The following POM121C variants were observed in gnomAD, a reference collection of about 807,000 sequenced individuals.
The protein encoded by POM121C is POM121 transmembrane nucleoporin C.
Under a neutral mutation model 66.4 loss-of-function variants are expected in POM121C, and 20 were observed. That is an observed-to-expected ratio of 0.30 (90% CI 0.21 to 0.44). The LOEUF is 0.44. POM121C is among the 20% of genes least tolerant of loss of function. The pLI is 1.00. For synonymous variants in POM121C, 286 were observed against 528.0 expected (o/e 0.54, Z 6.28); for missense variants, 580 against 1,225.7 (o/e 0.47, Z 7.87).
chr7:75,423,906 G>T, intron 12 of POM121C, 143 bp downstream of exon 12: 2 of 1,486,956 alleles, frequency 1.3e-6, no homozygotes, highest in South Asian at 2.5e-5. Flanking sequence ...GCTGTTAAAC[G>T]TAGGCCCGCT....
chr7:75,462,355 G>A (rs1385879050), intron 3 of POM121C, among the ~76,000 whole-genome samples: 8 of 152,002 alleles, frequency 5.3e-5, no homozygotes, highest in Admixed American at 1.3e-4. Context: ...GGAACTGTGA[G>A]TCAATTAAAC....
In POM121C at chr7:75,441,094, T is replaced by C. The variant is rs1378316622; in HGVS notation, c.87A>G (p.Ser29=). 12 of 1,613,884 alleles carry C rather than the reference T, an allele frequency of 7.4e-6. No individual in the cohort carries two copies. Among genetic ancestry groups the C allele is most frequent in the Non-Finnish European group, 9.3e-6 (11 of 1,179,886 alleles). Reference sequence around the variant, plus strand: ...CATTACTTGATGGTGACGACAGTGTTGAGCTGATTATCTGCTCTGGTCTAT... The same window carrying C: ...CATTACTTGATGGTGACGACAGTGTCGAGCTGATTATCTGCTCTGGTCTAT... ...RSAIPEQIIS[S]TLSSPSSNAP... Residue 29 remains serine (S), a synonymous_variant, in exon 5 of 15, where the codon TCA becomes TCG. Transcript: ENST00000615331.
intron 3 of POM121C, among the ~76,000 whole-genome samples, chr7:75,460,333 A>G (rs1554476842): frequency 6.6e-6 from 1 of 151,318 alleles, no homozygotes; most frequent in Non-Finnish European, 1.5e-5. Context: ...TCTCCACAAA[A>G]AGAATAAGAA....
intron 3 of POM121C, among the ~76,000 whole-genome samples, chr7:75,452,601 A>G (rs1554475696): frequency 1.3e-5 from 2 of 152,164 alleles, no homozygotes; most frequent in African/African-American, 4.8e-5. Context: ...TCTTTGTTCG[A>G]GATCCAGGTT....
chr7:75,459,708 G>C (rs1791384722), intron 3 of POM121C, among the ~76,000 whole-genome samples: 2 of 140,910 alleles, frequency 1.4e-5, no homozygotes, highest in African/African-American at 5.2e-5. Flanking sequence ...TAAAAAAGCA[G>C]TAAGAGGGTA....
At chr7:75,476,000 C>T (rs1158682772) in intron 1 of POM121C, among the ~76,000 whole-genome samples, 2 of 151,992 alleles carry the variant, frequency 1.3e-5, no homozygotes, top group African/African-American at 4.8e-5. Flanking sequence ...GAGGTTGGGG[C>T]TGGGCATGGT....
intron 3 of POM121C, among the ~76,000 whole-genome samples, chr7:75,468,126 TAAAAAAAAAAAAAAA>T (rs368723160): frequency 0.33 from 21,830 of 65,968 alleles, 2,547 homozygotes; most frequent in Middle Eastern, 0.46. Context: ...AGACTCTGTC[TAAAAAAAAAAAAAAA>T]AAAAAAAAAA....
intron 3 of POM121C, among the ~76,000 whole-genome samples, chr7:75,472,143 C>A (rs1208093355): frequency 6.6e-6 from 1 of 151,844 alleles, no homozygotes; most frequent in Non-Finnish European, 1.5e-5. Flanking sequence ...ACCTCGGCCT[C>A]CCAAAGTGCT....
intron 3 of POM121C, among the ~76,000 whole-genome samples, chr7:75,472,030 C>T (rs1410435192): frequency 4.6e-5 from 7 of 151,880 alleles, no homozygotes; most frequent in South Asian, 2.1e-4. Context: ...GGACTGCAGG[C>T]GCCCACCACC....
In POM121C at chr7:75,475,096, C is replaced by T; in HGVS notation, c.-365G>A. 3 of 1,507,250 alleles carry T rather than the reference C, an allele frequency of 2.0e-6. No individual in the cohort carries two copies. The highest frequency in any genetic ancestry group is 1.8e-6 in the Non-Finnish European group (2 of 1,085,792). The allele number at this position is 1,507,250 out of a possible 1,614,324, so 93.4% of individuals were successfully genotyped here. A position where few individuals can be genotyped will look rare whatever the true frequency, so the allele number is the denominator to read the frequency against. On this transcript the variant is annotated 5_prime_UTR_variant, in exon 2 of 15. An upstream open reading frame in the 5' UTR loses its in-frame stop. Transcript: ENST00000615331. ...CTAGATGGCTGTAGTTCTCCAACAT[C>T]ACATCCCCGTATGTTATCTTCTCAT...
intron 3 of POM121C, among the ~76,000 whole-genome samples, chr7:75,460,636 C>T (rs1402434777): frequency 6.6e-6 from 1 of 152,030 alleles, no homozygotes; most frequent in Non-Finnish European, 1.5e-5. Context: ...GAAACATGAC[C>T]AGGAACTCCT....
intron 3 of POM121C, among the ~76,000 whole-genome samples, chr7:75,453,275 T>TAAAAAAA (rs587669014): frequency 8.7e-6 from 1 of 115,128 alleles, no homozygotes. Context: ...TACAAAAAGT[T>TAAAAAAA]AAAAAAAAAA....
In POM121C at chr7:75,486,092, C is replaced by T. The variant is rs1451105055; in HGVS notation, c.-686G>A. On this transcript the variant is annotated 5_prime_UTR_variant, in exon 1 of 15. Coordinates refer to ENST00000615331, the MANE Select transcript of POM121C (RefSeq NM_001099415.3). ...CCGGCCCCTCTGGCCCCAGCGCCGC[C>T]GGCTCCGGGGTTCACGCTCGGGGGT... is the stretch of plus-strand genomic sequence containing the variant. 7 of 374,724 alleles carry T rather than the reference C, an allele frequency of 1.9e-5. No individual in the cohort carries two copies. Among genetic ancestry groups the T allele is most frequent in the South Asian group, 7.7e-5 (4 of 51,678 alleles). 23.2% of individuals were successfully genotyped at this position (374,724 alleles called of 1,614,324 possible).
intron 3 of POM121C, among the ~76,000 whole-genome samples, chr7:75,473,641 C>T (rs1254833332): frequency 7.9e-5 from 12 of 151,748 alleles, no homozygotes; most frequent in Admixed American, 2.6e-4. Context: ...TAAATAAAAT[C>T]GAGGGCAGAA....
chr7:75,464,340 G>A (rs1371281896), intron 3 of POM121C, among the ~76,000 whole-genome samples: 48 of 152,296 alleles, frequency 3.2e-4, no homozygotes, highest in African/African-American at 1.0e-3. Context: ...GCTCATGCCT[G>A]TAATTCCAGC....
rs1554473452 is a variant in POM121C, at chr7:75,439,141, T to TA, written c.308+2dup. On this transcript the variant is annotated splice_region_variant and intron_variant, in intron 6 of 14. Transcript: ENST00000615331. ...TATTTCATCTGGATGGACTCGCACT[T>TA]ACTTAGGCACAAAAGAAGCGGGGAC... 1.2e-6 allele frequency: 2 copies of TA among 1,614,210 alleles called. No individual in the cohort carries two copies. The highest frequency in any genetic ancestry group is 1.7e-6 in the Non-Finnish European group (2 of 1,180,024).
intron 1 of POM121C, among the ~76,000 whole-genome samples, chr7:75,480,534 G>A (rs1421678098): frequency 6.6e-6 from 1 of 152,090 alleles, no homozygotes; most frequent in Non-Finnish European, 1.5e-5. Flanking sequence ...AGCAGAACAA[G>A]CCATCTTCTC....
At chr7:75,467,297 T>C (rs879983721) in intron 3 of POM121C, among the ~76,000 whole-genome samples, 1 of 151,818 alleles carries the variant, frequency 6.6e-6, no homozygotes, top group African/African-American at 2.4e-5. Flanking sequence ...TTTGGGAGGC[T>C]GAGGTGGGTG....
In POM121C at chr7:75,418,450, G is replaced by A. The variant is rs1554470106; in HGVS notation, c.*346C>T. The stretch of plus-strand genomic sequence containing the variant: ...GGACCCTGCCCCCTCCAGCGACGAC[G>A]GCTCTCGGGGAAAGGTGGAAGGGGC... On this transcript the variant is annotated 3_prime_UTR_variant, in exon 15 of 15. Coordinates refer to ENST00000615331, the MANE Select transcript of POM121C (RefSeq NM_001099415.3). 15 of 1,048,526 alleles carry A rather than the reference G, an allele frequency of 1.4e-5. No individual in the cohort carries two copies. Among genetic ancestry groups the A allele is most frequent in the African/African-American group, 3.4e-5 (2 of 59,124 alleles). 65.0% of individuals were successfully genotyped at this position (1,048,526 alleles called of 1,614,324 possible).
Sources: allele counts gnomAD v4.1 joint callset (sites outside exome capture counted in the v4.1 genomes callset), GRCh38; gene constraint gnomAD v4.1.1; transcripts MANE v1.5; gene names NCBI Gene and HGNC (gene_info 2026-07-23, HGNC 2026-07-21).